The following NPAP1 variants were observed in gnomAD, a reference collection of about 807,000 sequenced individuals.
The protein encoded by NPAP1 is nuclear pore associated protein 1.
For missense variants in NPAP1, 1,483 were observed against 1,454.5 expected, an observed-to-expected ratio of 1.02 and a Z score of -0.32; for synonymous variants, 616 against 581.4, an observed-to-expected ratio of 1.06 and a Z score of -0.86.
chr15:24,678,753 G>T lies in NPAP1; in HGVS notation c.2886G>T (p.Glu962Asp). Reference protein sequence around the residue: ...YTALGTPVNAEPVEGHNASAF... With the variant: ...YTALGTPVNADPVEGHNASAF... ...CATTGGGCACACCTGTTAATGCTGAGCCAGTCGAGGGTCACAATGCAAGTG... is the reference window on the plus strand; with the variant it reads ...CATTGGGCACACCTGTTAATGCTGATCCAGTCGAGGGTCACAATGCAAGTG... Residue 962 changes from glutamate (E) to aspartate (D), a missense_variant, in exon 1 of 1, where the codon GAG becomes GAT. Coordinates refer to ENST00000329468, the MANE Select transcript of NPAP1 (RefSeq NM_018958.3). 2 of 1,614,218 alleles carry T rather than the reference G, an allele frequency of 1.2e-6. No individual in the cohort carries two copies. The highest frequency in any genetic ancestry group is 1.7e-6 in the Non-Finnish European group (2 of 1,180,034).
rs1194610436 is a variant in NPAP1, at chr15:24,680,926, G to C, written c.*1588G>C. 2 of 166,964 alleles carry C rather than the reference G, an allele frequency of 1.2e-5. No individual in the cohort carries two copies. Among genetic ancestry groups the C allele is most frequent in the Admixed American group, 6.5e-5 (1 of 15,276 alleles). 10.3% of individuals were successfully genotyped at this position (166,964 alleles called of 1,614,324 possible). On this transcript the variant is annotated 3_prime_UTR_variant, in exon 1 of 1. Coordinates refer to ENST00000329468, the MANE Select transcript of NPAP1 (RefSeq NM_018958.3). The stretch of plus-strand genomic sequence containing the variant: ...AGGATTGAGATTGTAGATAGAAGCA[G>C]GTGTTTCAGTTTACACTGTGAACAA...
rs2049005036 is a variant in NPAP1, at chr15:24,679,717, CA to C, written c.*382del. On this transcript the variant is annotated 3_prime_UTR_variant, in exon 1 of 1. Coordinates refer to ENST00000329468, the MANE Select transcript of NPAP1 (RefSeq NM_018958.3). ...AGGCCCTCATGTGCCCATGTATCAG[CA>C]AAGCACCTGGGGCCCACCTGGACAA... is the stretch of plus-strand genomic sequence containing the variant. The C allele has an allele frequency of 4.4e-6, 1 of 226,908 alleles. No individual in the cohort carries two copies. The highest frequency in any genetic ancestry group is 9.5e-6 in the Non-Finnish European group (1 of 104,796). The allele number at this position is 226,908 out of a possible 1,614,324, so 14.1% of individuals were successfully genotyped here.
Position 24,677,010 on chromosome 15 carries a change from C to T in NPAP1, c.1143C>T (p.Ile381=), listed in dbSNP as rs2141309347. 1 of 1,613,864 alleles carries T rather than the reference C, an allele frequency of 6.2e-7. No individual in the cohort carries two copies. The highest frequency in any genetic ancestry group is 8.5e-7 in the Non-Finnish European group (1 of 1,180,020). ...CTGAGTATAAAAGGAATAGCAGAAT[C>T]TTGGAGGATAAAACAGAGACCATGA... is the stretch of plus-strand genomic sequence containing the variant. ...KSPEYKRNSR[I]LEDKTETMTN... Residue 381 remains isoleucine (I), a synonymous_variant, in exon 1 of 1, where the codon ATC becomes ATT. Transcript: ENST00000329468.
rs1244710996 is a variant in NPAP1 at position 24,677,152 on chromosome 15, T to C, written c.1285T>C (p.Leu429=). 6.2e-7 allele frequency: 1 copy of C among 1,613,970 alleles called. No homozygotes were observed. The highest frequency in any genetic ancestry group is 2.2e-5 in the East Asian group (1 of 44,860). ...QVSAPLPIPD[L]ADLATGPLIL... ...CTCAGCTCCTTTGCCCATCCCTGAC[T>C]TGGCTGACCTGGCTACTGGACCCCT... Residue 429 remains leucine, a synonymous_variant, in exon 1 of 1, where the codon TTG becomes CTG. Coordinates refer to ENST00000329468, the MANE Select transcript of NPAP1 (RefSeq NM_018958.3).
In NPAP1 at chr15:24,676,174, C is replaced by T. The variant is rs760531837; in HGVS notation, c.307C>T (p.Arg103Trp). The T allele has an allele frequency of 3.4e-5, 53 of 1,573,052 alleles. No homozygotes were observed. The highest frequency in any genetic ancestry group is 4.2e-5 in the Non-Finnish European group (49 of 1,161,846). ...AIRKTPMLPA[R>W]NPPRFGHPSS... ...CAGGAAGACACCCATGCTGCCTGCT[C>T]GGAACCCCCCGAGGTTTGGACACCC... The change falls in exon 1 of 1, where the codon CGG becomes TGG. Residue 103 changes from arginine (R) to tryptophan (W), a missense_variant. By Grantham distance (101) the Arg-to-Trp change is moderately radical. Transcript: ENST00000329468.
chr15:24,677,477 C>G lies in NPAP1; in HGVS notation c.1610C>G (p.Ser537Cys), dbSNP rs2141310432. ...TTCCTGACTCTTCTTCCAGTCCCTT[C>G]CACCGGGACCTCAGTTATCACCAGC... ...LSFLTLLPVP[S>C]TGTSVITSKP... Residue 537 changes from serine (S) to cysteine (C), a missense_variant, in exon 1 of 1, where the codon TCC becomes TGC. By Grantham distance (112) the Ser-to-Cys change is moderately radical. Transcript: ENST00000329468. The G allele has an allele frequency of 6.2e-7, 1 of 1,614,176 alleles. No individual in the cohort carries two copies.
In NPAP1 at chr15:24,676,950, TGTTGAG is replaced by T. The variant is rs757750842; in HGVS notation, c.1085_1090del (p.Val362_Glu363del). 1 of 1,607,250 alleles carries T rather than the reference TGTTGAG, an allele frequency of 6.2e-7. No homozygotes were observed. Among genetic ancestry groups the T allele is most frequent in the Non-Finnish European group, 8.5e-7 (1 of 1,177,048 alleles). ...CACCTGCTAAGCTCCCCTGCCTGTC[TGTTGAG>T]GGAGACCTACACACCTTGGAGAAGA... On this transcript the variant is annotated inframe_deletion, in exon 1 of 1. Coordinates refer to ENST00000329468, the MANE Select transcript of NPAP1 (RefSeq NM_018958.3).
In NPAP1 at chr15:24,679,616, A is replaced by G. The variant is rs544098085; in HGVS notation, c.*278A>G. 6.9e-6 allele frequency: 3 copies of G among 436,604 alleles called. No homozygotes were observed. The East Asian group carries it at 1.3e-4, about 19-fold the overall frequency. 27.0% of individuals were successfully genotyped at this position (436,604 alleles called of 1,614,324 possible). ...AGAGGCCCTTGTGTATCCACCTACC[A>G]ACAAAGTACCTAGGGCCCACCTGGA... On this transcript the variant is annotated 3_prime_UTR_variant, in exon 1 of 1. Transcript: ENST00000329468.
Position 24,682,036 on chromosome 15 carries a change from C to T in NPAP1, c.*2698C>T, listed in dbSNP as rs1403101491. ...CTGCACGCTCCACCTCTCGGAAGAA[C>T]CCCTTTTTATTAGCATAAAAGCACT... On this transcript the variant is annotated 3_prime_UTR_variant, in exon 1 of 1. Transcript: ENST00000329468. The T allele has an allele frequency of 5.4e-5, 9 of 166,826 alleles. No individual in the cohort carries two copies. In the Admixed American group the frequency reaches 5.9e-4, roughly 11 times the overall value. The allele number at this position is 166,826 out of a possible 1,614,324, so 10.3% of individuals were successfully genotyped here.
At position 24,683,225 on chromosome 15, in the gene NPAP1, A is replaced by C. The variant is rs1196661075; in HGVS notation, c.*3887A>C. 1 of 169,694 alleles carries C rather than the reference A, an allele frequency of 5.9e-6. No homozygotes were observed. Among genetic ancestry groups the C allele is most frequent in the Non-Finnish European group, 1.3e-5 (1 of 75,742 alleles). 10.5% of individuals were successfully genotyped at this position (169,694 alleles called of 1,614,324 possible). A position where few individuals can be genotyped will look rare whatever the true frequency, so the allele number is the denominator to read the frequency against. ...TCTAAATTGCTAGCCAATCGGGACA[A>C]ATACAGAATGTGAGGTCCTGTTCCA... On this transcript the variant is annotated 3_prime_UTR_variant, in exon 1 of 1. Coordinates refer to ENST00000329468, the MANE Select transcript of NPAP1 (RefSeq NM_018958.3).
rs1298399175 is a variant in NPAP1 at position 24,676,380 on chromosome 15, G to A, written c.513G>A (p.Gly171=). Residue 171 remains glycine (G), a synonymous_variant, in exon 1 of 1, where the codon GGG becomes GGA. Coordinates refer to ENST00000329468, the MANE Select transcript of NPAP1 (RefSeq NM_018958.3). Reference sequence around the variant, plus strand: ...ATGAGGATCCGGTGCAGATCGAAGGGGAGGATGACGAGAAAAGGACCCCCC... The same window carrying A: ...ATGAGGATCCGGTGCAGATCGAAGGAGAGGATGACGAGAAAAGGACCCCCC... ...KKDEDPVQIE[G]EDDEKRTPLS... The A allele has an allele frequency of 3.2e-6, 5 of 1,568,750 alleles. No homozygotes were observed. The highest frequency in any genetic ancestry group is 1.9e-5 in the Admixed American group (1 of 53,090).
Position 24,676,174 on chromosome 15 carries a change from C to G in NPAP1, c.307C>G (p.Arg103Gly). 1 of 1,573,172 alleles carries G rather than the reference C, an allele frequency of 6.4e-7. No individual in the cohort carries two copies. Among genetic ancestry groups the G allele is most frequent in the Non-Finnish European group, 8.6e-7 (1 of 1,161,838 alleles). The change falls in exon 1 of 1, where the codon CGG becomes GGG. Residue 103 changes from arginine to glycine, a missense_variant. By Grantham distance (125) the Arg-to-Gly change is moderately radical. Coordinates refer to ENST00000329468, the MANE Select transcript of NPAP1 (RefSeq NM_018958.3). ...CAGGAAGACACCCATGCTGCCTGCT[C>G]GGAACCCCCCGAGGTTTGGACACCC... Reference protein sequence around the residue: ...AIRKTPMLPARNPPRFGHPSS... With the variant: ...AIRKTPMLPAGNPPRFGHPSS...
At position 24,678,174 on chromosome 15, in the gene NPAP1, C is replaced by T. The variant is rs371143246; in HGVS notation, c.2307C>T (p.Thr769=). ...ASNHPLNPGA[T]PQPKFGAPDG... is the part of the protein sequence containing the mutation. ...ACCATCCTTTAAATCCAGGAGCCACCCCTCAACCCAAATTTGGGGCCCCTG... is the reference window on the plus strand; with the variant it reads ...ACCATCCTTTAAATCCAGGAGCCACTCCTCAACCCAAATTTGGGGCCCCTG... The change falls in exon 1 of 1, where the codon ACC becomes ACT. Residue 769 remains threonine, a synonymous_variant. Transcript: ENST00000329468. 1 of 1,613,320 alleles carries T rather than the reference C, an allele frequency of 6.2e-7. No homozygotes were observed. Among genetic ancestry groups the T allele is most frequent in the African/African-American group, 1.3e-5 (1 of 74,640 alleles).
rs1248436327 is a variant in NPAP1 at position 24,683,351 on chromosome 15, T to C, written c.*4013T>C. The C allele has an allele frequency of 1.2e-5, 2 of 167,420 alleles. No individual in the cohort carries two copies. The highest frequency in any genetic ancestry group is 2.9e-5 in the Non-Finnish European group (2 of 68,204). 10.4% of individuals were successfully genotyped at this position (167,420 alleles called of 1,614,324 possible). Reference sequence around the variant, plus strand: ...CTCTTGTGGCAAAACTGCTGGCAAGTGTACCCTTTCTGCAGGAAGTAAAAA... The same window carrying C: ...CTCTTGTGGCAAAACTGCTGGCAAGCGTACCCTTTCTGCAGGAAGTAAAAA... On this transcript the variant is annotated 3_prime_UTR_variant, in exon 1 of 1. Coordinates refer to ENST00000329468, the MANE Select transcript of NPAP1 (RefSeq NM_018958.3).
rs1221484628 is a variant in NPAP1 at position 24,676,246 on chromosome 15, C to G, written c.379C>G (p.Leu127Val). ...PPPSRMFTLL[L>V]PSPREPAVKA... ...TCCCAGCCGCATGTTCACTCTCCTG[C>G]TGCCTTCACCACGTGAGCCGGCGGT... Residue 127 changes from leucine to valine, a missense_variant, in exon 1 of 1, where the codon CTG (leucine) becomes GTG (valine). Leu to Val is a conservative substitution (Grantham distance 32). Coordinates refer to ENST00000329468, the MANE Select transcript of NPAP1 (RefSeq NM_018958.3). 1 of 1,522,188 alleles carries G rather than the reference C, an allele frequency of 6.6e-7. No individual in the cohort carries two copies. Among genetic ancestry groups the G allele is most frequent in the Non-Finnish European group, 8.8e-7 (1 of 1,137,590 alleles). The allele number at this position is 1,522,188 out of a possible 1,614,324, so 94.3% of individuals were successfully genotyped here. A position where few individuals can be genotyped will look rare whatever the true frequency, so the allele number is the denominator to read the frequency against.
In NPAP1 at chr15:24,682,729, T is replaced by C. The variant is rs1220047054; in HGVS notation, c.*3391T>C. The C allele has an allele frequency of 6.0e-6, 1 of 166,962 alleles. No individual in the cohort carries two copies. The highest frequency in any genetic ancestry group is 2.4e-5 in the African/African-American group (1 of 41,432). 10.3% of individuals were successfully genotyped at this position (166,962 alleles called of 1,614,324 possible). On this transcript the variant is annotated 3_prime_UTR_variant, in exon 1 of 1. Coordinates refer to ENST00000329468, the MANE Select transcript of NPAP1 (RefSeq NM_018958.3). Reference sequence around the variant, plus strand: ...TGAAGTGCCTTCCTTTTTTTCTCCTTGAACTCTTTTCCCATAAAAAAAAAA... The same window carrying C: ...TGAAGTGCCTTCCTTTTTTTCTCCTCGAACTCTTTTCCCATAAAAAAAAAA...
rs1046396147 is a variant in NPAP1 at position 24,681,943 on chromosome 15, C to CT, written c.*2615dup. 149 of 160,354 alleles carry CT rather than the reference C, an allele frequency of 9.3e-4. No homozygotes were observed. Among genetic ancestry groups the CT allele is most frequent in the African/African-American group, 1.8e-3 (74 of 40,440 alleles). 9.9% of individuals were successfully genotyped at this position (160,354 alleles called of 1,614,324 possible). A position where few individuals can be genotyped will look rare whatever the true frequency, so the allele number is the denominator to read the frequency against. On this transcript the variant is annotated 3_prime_UTR_variant, in exon 1 of 1. Transcript: ENST00000329468. ...TCAAATAGAAGAATAGAAGAACCCC[C>CT]TTTTTTTTTTGAGATGGAGTCTTGC...
rs1182795548 is a variant in NPAP1 at position 24,682,662 on chromosome 15, CTATTATGTTATCT to C, written c.*3327_*3339del. On this transcript the variant is annotated 3_prime_UTR_variant, in exon 1 of 1. Coordinates refer to ENST00000329468, the MANE Select transcript of NPAP1 (RefSeq NM_018958.3). Reference sequence around the variant, plus strand: ...TTCTGAGTTTGCTTTTTTACTTCAACTATTATGTTATCTTACAGATGTCATTGTTTTTCCTAAA... The same window carrying C: ...TTCTGAGTTTGCTTTTTTACTTCAACTACAGATGTCATTGTTTTTCCTAAA... 1.2e-5 allele frequency: 2 copies of C among 166,984 alleles called. No homozygotes were observed. Among genetic ancestry groups the C allele is most frequent in the Non-Finnish European group, 2.9e-5 (2 of 68,108 alleles). 10.3% of individuals were successfully genotyped at this position (166,984 alleles called of 1,614,324 possible). A position where few individuals can be genotyped will look rare whatever the true frequency, so the allele number is the denominator to read the frequency against.
At position 24,677,135 on chromosome 15, in the gene NPAP1, C is replaced by T. The variant is rs773681865; in HGVS notation, c.1268C>T (p.Pro423Leu). The T allele has an allele frequency of 1.2e-6, 2 of 1,614,122 alleles. 1 individual carries two copies. The highest frequency in any genetic ancestry group is 2.2e-5 in the South Asian group (2 of 91,080). Reference protein sequence around the residue: ...LTTYTSQVSAPLPIPDLADLA... With the variant: ...LTTYTSQVSALLPIPDLADLA... ...ACTTACACTTCCCAGGTCTCAGCTC[C>T]TTTGCCCATCCCTGACTTGGCTGAC... is the stretch of plus-strand genomic sequence containing the variant. Residue 423 changes from proline (P) to leucine (L), a missense_variant, in exon 1 of 1, where the codon CCT becomes CTT. Physicochemically the swap from Pro to Leu is moderately conservative, Grantham distance 98. Coordinates refer to ENST00000329468, the MANE Select transcript of NPAP1 (RefSeq NM_018958.3).
Sources: allele counts gnomAD v4.1 joint callset, GRCh38; gene constraint gnomAD v4.1.1; transcripts MANE v1.5; gene names NCBI Gene and HGNC (gene_info 2026-07-23, HGNC 2026-07-21).